CASR: variants seen among roughly 807,000 people sequenced by gnomAD.
The protein encoded by CASR is extracellular calcium-sensing receptor.
A neutral mutation model predicts 69.1 loss-of-function variants in CASR; 23 were observed. The ratio of observed to expected loss-of-function variants is 0.33; its 90% CI spans 0.24 to 0.47. CASR has a LOEUF of 0.47. Among genes scored for constraint, CASR ranks in the 20% least tolerant of loss-of-function variants. The pLI is 1.00. For synonymous variants in CASR, 541 were observed against 544.7 expected, an observed-to-expected ratio of 0.99 and a Z score of 0.10; for missense variants, 924 against 1,356.1, an observed-to-expected ratio of 0.68 and a Z score of 5.00.
chr3:122,227,214 A>C (rs926619961), intron 1 of CASR, among the ~76,000 whole-genome samples: 2 of 151,572 alleles, frequency 1.3e-5, no homozygotes, highest in Admixed American at 1.3e-4. Context: ...ATGTGCCCAC[A>C]CTCCCCAGCC....
intron 1 of CASR, among the ~76,000 whole-genome samples, chr3:122,212,596 A>G (rs1256081514): frequency 6.6e-6 from 1 of 152,152 alleles, no homozygotes; most frequent in African/African-American, 2.4e-5. Flanking sequence ...AAAGAAATCA[A>G]TGAGAATTAT....
intron 1 of CASR, among the ~76,000 whole-genome samples, chr3:122,220,146 A>C (rs2074156346): frequency 6.6e-6 from 1 of 152,236 alleles, no homozygotes; most frequent in Non-Finnish European, 1.5e-5. Context: ...TTTTAAAAAG[A>C]GAGAAGAGAA....
At chr3:122,235,937 C>T (rs1366101031) in intron 1 of CASR, among the ~76,000 whole-genome samples, 1 of 152,190 alleles carries the variant, frequency 6.6e-6, no homozygotes, top group Non-Finnish European at 1.5e-5. Context: ...TCTTAAAACA[C>T]AGGTTGCTGG....
At chr3:122,260,689 TA>T (rs71136558) in intron 3 of CASR, among the ~76,000 whole-genome samples, 63,971 of 147,500 alleles carry the variant, frequency 0.43, 14,133 homozygotes, top group African/African-American at 0.56. Flanking sequence ...TAAAGTATAA[TA>T]AAAAAAAAAA....
chr3:122,189,716 T>C (rs537662303), intron 1 of CASR, among the ~76,000 whole-genome samples: 1 of 152,282 alleles, frequency 6.6e-6, no homozygotes, highest in South Asian at 2.1e-4. Flanking sequence ...GTTGGTAGAG[T>C]TCCTATTAAG....
Position 122,257,647 on chromosome 3 carries a change from C to T in CASR, c.492+260C>T, listed in dbSNP as rs3749203. 184,926 of 404,640 alleles carry T rather than the reference C, an allele frequency of 0.46. 43,517 individuals are homozygous for T. The highest frequency in any genetic ancestry group is 0.5 in the Non-Finnish European group (112,416 of 226,370). 25.1% of individuals were successfully genotyped at this position (404,640 alleles called of 1,614,324 possible). ...AACTGTGTCTTTTTTTAAAAAGAGGCATTCAGTTATTTATTTCCCACTCTA... is the reference window on the plus strand; with the variant it reads ...AACTGTGTCTTTTTTTAAAAAGAGGTATTCAGTTATTTATTTCCCACTCTA... On this transcript the variant is annotated intron_variant, in intron 3 of 6. Transcript: ENST00000639785.
chr3:122,185,982 C>A (rs1359175734), intron 1 of CASR, among the ~76,000 whole-genome samples: 1 of 54,282 alleles, frequency 1.8e-5, no homozygotes, highest in African/African-American at 7.3e-5. Flanking sequence ...GAGTTACTTC[C>A]TGCCAATACA....
chr3:122,203,219 G>A (rs568111306), intron 1 of CASR, among the ~76,000 whole-genome samples: 7 of 152,232 alleles, frequency 4.6e-5, no homozygotes, highest in South Asian at 4.1e-4. Context: ...TTAGAACTGC[G>A]GTGAATTTGG....
At chr3:122,252,455 A>AG (rs2074506615) in intron 1 of CASR, among the ~76,000 whole-genome samples, 11 of 100,704 alleles carry the variant, frequency 1.1e-4, no homozygotes, top group African/African-American at 3.6e-4. Flanking sequence ...GAAAAAAAAG[A>AG]AAAGAAAGAA....
intron 5 of CASR, among the ~76,000 whole-genome samples, 171 bp downstream of exon 5, chr3:122,276,213 G>C (rs2074818507): frequency 1.3e-5 from 2 of 152,166 alleles, no homozygotes; most frequent in South Asian, 2.1e-4. Flanking sequence ...ACAGTGTTTA[G>C]TGTAAAGAGA....
chr3:122,225,619 T>C (rs1354353680), intron 1 of CASR, among the ~76,000 whole-genome samples: 1 of 151,002 alleles, frequency 6.6e-6, no homozygotes, highest in Non-Finnish European at 1.5e-5. Context: ...TTATGCGCTG[T>C]TGGTGAGAAT....
At chr3:122,246,674 A>G (rs975198412) in intron 1 of CASR, 15 of 152,224 alleles carry the variant, frequency 9.9e-5, no homozygotes, top group African/African-American at 3.6e-4. Flanking sequence ...ATATGTTGTT[A>G]AACCATTGGT....
chr3:122,238,689 A>G (rs2074352944), intron 1 of CASR, among the ~76,000 whole-genome samples: 1 of 152,176 alleles, frequency 6.6e-6, no homozygotes, highest in South Asian at 2.1e-4. Context: ...TAAGGAGAGA[A>G]GAGCAAAGAG....
At position 122,285,464 on chromosome 3, in the gene CASR, C is replaced by G; in HGVS notation, c.*273C>G. ...TTTGCTGTTCACCCACATCTAATGT[C>G]TCTTCCTCTGTTCTATCCCACCCAA... On this transcript the variant is annotated 3_prime_UTR_variant, in exon 7 of 7. Coordinates refer to ENST00000639785, the MANE Select transcript of CASR (RefSeq NM_000388.4). The G allele has an allele frequency of 2.3e-6, 1 of 441,590 alleles. No homozygotes were observed. The highest frequency in any genetic ancestry group is 4.2e-6 in the Non-Finnish European group (1 of 238,066). 27.4% of individuals were successfully genotyped at this position (441,590 alleles called of 1,614,324 possible). A position where few individuals can be genotyped will look rare whatever the true frequency, so the allele number is the denominator to read the frequency against.
At chr3:122,230,072 C>G (rs755636782) in intron 1 of CASR, among the ~76,000 whole-genome samples, 1 of 152,170 alleles carries the variant, frequency 6.6e-6, no homozygotes, top group African/African-American at 2.4e-5. Flanking sequence ...TTCTTGGCCC[C>G]GGCATTACAG....
At chr3:122,225,811 A>T (rs190494541) in intron 1 of CASR, among the ~76,000 whole-genome samples, 2 of 152,234 alleles carry the variant, frequency 1.3e-5, no homozygotes, top group African/African-American at 2.4e-5. Context: ...GAGCAAAGAC[A>T]TGGAGTCAAC....
intron 6 of CASR, among the ~76,000 whole-genome samples, chr3:122,282,627 T>C (rs7630451): frequency 0.018 from 2,718 of 152,320 alleles, 75 homozygotes; most frequent in African/African-American, 0.06. Context: ...GTGTTTTTCC[T>C]GTTTCTCAGG....
At chr3:122,228,754 T>C (rs1444195082) in intron 1 of CASR, among the ~76,000 whole-genome samples, 2 of 152,200 alleles carry the variant, frequency 1.3e-5, no homozygotes, top group African/African-American at 2.4e-5. Context: ...TTACATTTGC[T>C]GTAAGAGCTG....
rs549467073 is a variant in CASR at position 122,287,578 on chromosome 3, CCCTT to C, written c.*2390_*2393del. On this transcript the variant is annotated 3_prime_UTR_variant, in exon 7 of 7. Coordinates refer to ENST00000639785, the MANE Select transcript of CASR (RefSeq NM_000388.4). ...GATCAATTCAGAGGTTGTTCCTTCT[CCCTT>C]CCAGGAGGGCTTTTGTAATGTTGGG... is the stretch of plus-strand genomic sequence containing the variant. 2.0e-5 allele frequency: 3 copies of C among 152,368 alleles called. No individual in the cohort carries two copies. The South Asian group carries it at 6.2e-4, about 32-fold the overall frequency. The allele number at this position is 152,368 out of a possible 1,614,324, so 9.4% of individuals were successfully genotyped here.
Sources: allele counts gnomAD v4.1 joint callset (sites outside exome capture counted in the v4.1 genomes callset), GRCh38; gene constraint gnomAD v4.1.1; transcripts MANE v1.5; gene names NCBI Gene and HGNC (gene_info 2026-07-23, HGNC 2026-07-21).